ROBO2: variants seen among roughly 807,000 people sequenced by gnomAD.
The protein encoded by ROBO2 is roundabout homolog 2.
ROBO2 carries 53 observed loss-of-function variants against 160.8 expected under a neutral mutation model. The ratio of observed to expected loss-of-function variants is 0.33; its 90% CI spans 0.26 to 0.41. The LOEUF is 0.41. Ranked by LOEUF, ROBO2 falls within the 10% of genes least tolerant of loss-of-function variation. The probability of loss-of-function intolerance (pLI) is 1.00; values close to 1 mark genes in which losing one functional copy is unlikely to be tolerated. For missense variants in ROBO2, 1,577 were observed against 1,722.4 expected, an observed-to-expected ratio of 0.92 and a Z score of 1.49; for synonymous variants, 664 against 611.7, an observed-to-expected ratio of 1.09 and a Z score of -1.26.
intron 2 of ROBO2, among the ~76,000 whole-genome samples, chr3:77,004,551 G>A (rs1219319949): frequency 6.6e-6 from 1 of 152,116 alleles, no homozygotes; most frequent in East Asian, 1.9e-4. Flanking sequence ...ACTTATCCAG[G>A]AAAGCAATCT....
intron 2 of ROBO2, among the ~76,000 whole-genome samples, chr3:76,724,197 C>G (rs2093510448): frequency 6.6e-6 from 1 of 152,140 alleles, no homozygotes; most frequent in Non-Finnish European, 1.5e-5. Flanking sequence ...GCTTCTCCAT[C>G]CAGCCCAAAT....
At chr3:77,197,141 G>C (rs894526161) in intron 2 of ROBO2, among the ~76,000 whole-genome samples, 5 of 152,138 alleles carry the variant, frequency 3.3e-5, no homozygotes, top group East Asian at 1.9e-4. Context: ...GAAGGCTTCC[G>C]TGTGATTTCT....
intron 2 of ROBO2, among the ~76,000 whole-genome samples, chr3:77,283,893 A>G (rs542991457): frequency 1.3e-5 from 2 of 152,334 alleles, no homozygotes; most frequent in Non-Finnish European, 2.9e-5. Flanking sequence ...AAGATGAATC[A>G]GAGCTAATCT....
At chr3:76,957,505 G>T (rs1205924291) in intron 2 of ROBO2, among the ~76,000 whole-genome samples, 1 of 152,024 alleles carries the variant, frequency 6.6e-6, no homozygotes, top group Non-Finnish European at 1.5e-5. Context: ...GATATCTACT[G>T]TCTCTGATAG....
At chr3:77,639,252 T>C (rs975646664) in intron 24 of ROBO2, among the ~76,000 whole-genome samples, 11 of 152,160 alleles carry the variant, frequency 7.2e-5, no homozygotes, top group African/African-American at 2.7e-4. Flanking sequence ...CTCAAATACT[T>C]ATTAAGTATA....
intron 2 of ROBO2, among the ~76,000 whole-genome samples, chr3:76,214,485 G>A (rs142715959): frequency 1.3e-5 from 2 of 152,188 alleles, no homozygotes; most frequent in African/African-American, 4.8e-5. Context: ...TTTTCCAATG[G>A]GCTTAACAAA....
intron 2 of ROBO2, among the ~76,000 whole-genome samples, chr3:76,857,076 C>T (rs1235967910): frequency 6.6e-6 from 1 of 151,200 alleles, no homozygotes; most frequent in Non-Finnish European, 1.5e-5. Flanking sequence ...AGCTCCTTCT[C>T]CCGGGTTCAA....
chr3:76,818,605 C>T (rs189689495), intron 2 of ROBO2, among the ~76,000 whole-genome samples: 3 of 151,934 alleles, frequency 2.0e-5, no homozygotes, highest in Non-Finnish European at 4.4e-5. Flanking sequence ...CTGAAGTTAC[C>T]TTCTAAAATT....
chr3:76,632,949 T>C (rs2090113848), intron 2 of ROBO2, among the ~76,000 whole-genome samples: 1 of 152,202 alleles, frequency 6.6e-6, no homozygotes. Flanking sequence ...ACATTTTTTA[T>C]TCTGCTTGCT....
At chr3:77,558,105 G>A (rs1382390563) in exon 9 of ROBO2, 3 of 1,613,002 alleles carry the variant, frequency 1.9e-6, no homozygotes, top group African/African-American at 1.3e-5. Context: ...AGATCCAAGA[G>A]CAACAATTCA....
intron 2 of ROBO2, among the ~76,000 whole-genome samples, chr3:77,111,921 A>G (rs1275437881): frequency 1.3e-5 from 2 of 152,122 alleles, no homozygotes; most frequent in Non-Finnish European, 2.9e-5. Flanking sequence ...TCACTATCGG[A>G]GAAAGATCAG....
At chr3:75,934,629 T>C (rs1559763790) in intron 1 of ROBO2, among the ~76,000 whole-genome samples, 1 of 152,190 alleles carries the variant, frequency 6.6e-6, no homozygotes, top group African/African-American at 2.4e-5. Flanking sequence ...TCATAGTAAC[T>C]TGGCATTTAT....
At chr3:77,432,528 C>T (rs2078877716) in intron 2 of ROBO2, among the ~76,000 whole-genome samples, 1 of 152,020 alleles carries the variant, frequency 6.6e-6, no homozygotes, top group African/African-American at 2.4e-5. Flanking sequence ...AGCTATTGTC[C>T]CTGGGCCAAC....
intron 2 of ROBO2, among the ~76,000 whole-genome samples, chr3:76,700,996 A>G (rs892440149): frequency 6.6e-5 from 10 of 152,098 alleles, no homozygotes; most frequent in Admixed American, 2.6e-4. Context: ...AGTGTATTGA[A>G]GCTGTGTTAC....
At chr3:76,518,637 T>C (rs1243969775) in intron 2 of ROBO2, among the ~76,000 whole-genome samples, 4 of 152,152 alleles carry the variant, frequency 2.6e-5, no homozygotes, top group Admixed American at 6.5e-5. Flanking sequence ...TCCTATGTAT[T>C]ACAAAAAACA....
intron 2 of ROBO2, among the ~76,000 whole-genome samples, chr3:77,243,915 C>T (rs1423010904): frequency 3.9e-5 from 6 of 152,194 alleles, no homozygotes; most frequent in Admixed American, 3.3e-4. Context: ...CACTCCAGCT[C>T]AAAGCTCCTT....
In ROBO2 at chr3:76,266,627, G is replaced by A. The variant is rs1025096577; in HGVS notation, c.109+329025G>A. On this transcript the variant is annotated intron_variant, in intron 2 of 26. Coordinates refer to the ROBO2 transcript ENST00000487694. ...CAGGGGTCATACAGAGTAACATTGG[G>A]GATTTATTATGAATGTTCTGAAAGA... is the stretch of plus-strand genomic sequence containing the variant. Among the ~76,000 whole-genome samples, 5 of 152,110 alleles carry A rather than the reference G, an allele frequency of 3.3e-5. No homozygotes were observed. The East Asian group carries it at 5.8e-4, about 18-fold the overall frequency.
At chr3:77,618,118 A>T (rs990235682) in intron 22 of ROBO2, 3 of 324,806 alleles carry the variant, frequency 9.2e-6, no homozygotes, top group Admixed American at 4.8e-5. Context: ...TTTATCTTCA[A>T]TTAGCTTATC....
intron 2 of ROBO2, among the ~76,000 whole-genome samples, chr3:75,974,597 A>C (rs1057100349): frequency 6.6e-6 from 1 of 151,558 alleles, no homozygotes; most frequent in South Asian, 2.1e-4. Context: ...TTGTAATTCT[A>C]TGTACTACTT....
Sources: gnomAD v4.1 joint callset for allele counts (sites outside exome capture counted in the v4.1 genomes callset) on GRCh38, gnomAD v4.1.1 for gene constraint, MANE v1.5 for transcripts, NCBI Gene and HGNC (gene_info 2026-07-23, HGNC 2026-07-21) for gene names.